The following ABHD13 variants were observed in gnomAD, a reference collection of about 807,000 sequenced individuals.
ABHD13 encodes the protein abhydrolase domain containing 13, also known as protein ABHD13.
In ABHD13, 7 loss-of-function variants were observed where a neutral mutation model predicts 25.2. The ratio of observed to expected loss-of-function variants is 0.28; its 90% CI spans 0.16 to 0.52. The LOEUF (loss-of-function observed/expected upper bound fraction) is 0.52. ABHD13 is among the 20% of genes least tolerant of loss of function. The pLI is 0.96. For synonymous variants in ABHD13, 133 were observed against 136.1 expected, an observed-to-expected ratio of 0.98 and a Z score of 0.16; for missense variants, 302 against 402.7, an observed-to-expected ratio of 0.75 and a Z score of 2.14.
intron 1 of ABHD13, among the ~76,000 whole-genome samples, chr13:108,219,989 A>G (rs1368940687): frequency 2.0e-5 from 3 of 152,214 alleles, no homozygotes; most frequent in Non-Finnish European, 2.9e-5. Context: ...ATACTCTGCT[A>G]TAGTACATAA....
chr13:108,224,242 G>A (rs1380501331), intron 1 of ABHD13, among the ~76,000 whole-genome samples: 1 of 152,116 alleles, frequency 6.6e-6, no homozygotes, highest in African/African-American at 2.4e-5. Flanking sequence ...TCTGTCTCCC[G>A]AGTACCTCAA....
rs35967053 is a variant in ABHD13, at chr13:108,231,862, G to GAAT, written c.*1631_*1633dup. 37,891 of 166,454 alleles carry GAAT rather than the reference G, an allele frequency of 0.23. 4,473 individuals are homozygous for GAAT. The highest frequency in any genetic ancestry group is 0.28 in the Admixed American group (4,308 of 15,190). 10.3% of individuals were successfully genotyped at this position (166,454 alleles called of 1,614,324 possible). On this transcript the variant is annotated 3_prime_UTR_variant, in exon 2 of 2. Coordinates refer to ENST00000375898, the MANE Select transcript of ABHD13 (RefSeq NM_032859.3). ...AAATTATAGCAAGTATGATTTCTAA[G>GAAT]AATGTTTTTCTATAAATTACTAATT...
At chr13:108,225,678 A>T (rs1460544558) in intron 1 of ABHD13, among the ~76,000 whole-genome samples, 1 of 152,226 alleles carries the variant, frequency 6.6e-6, no homozygotes, top group African/African-American at 2.4e-5. Flanking sequence ...AATGTCTGAC[A>T]TGTAATACCA....
intron 1 of ABHD13, among the ~76,000 whole-genome samples, chr13:108,222,929 G>A (rs1879598068): frequency 6.6e-6 from 1 of 152,256 alleles, no homozygotes; most frequent in Non-Finnish European, 1.5e-5. Context: ...CAAATTTGTA[G>A]TTGTAAAGGG....
At chr13:108,228,422 A>G (rs1201861977) in intron 1 of ABHD13, among the ~76,000 whole-genome samples, 2 of 152,012 alleles carry the variant, frequency 1.3e-5, no homozygotes, top group African/African-American at 4.8e-5. Flanking sequence ...TGCCGATCTC[A>G]TGACACTAGC....
At chr13:108,227,432 A>AT (rs1566380827) in intron 1 of ABHD13, among the ~76,000 whole-genome samples, 1 of 152,104 alleles carries the variant, frequency 6.6e-6, no homozygotes, top group Non-Finnish European at 1.5e-5. Context: ...ATTTGCTAAA[A>AT]TTAGATGTTA....
At chr13:108,220,851 A>G (rs970708330) in intron 1 of ABHD13, among the ~76,000 whole-genome samples, 36 of 152,240 alleles carry the variant, frequency 2.4e-4, no homozygotes, top group African/African-American at 8.4e-4. Flanking sequence ...CATCTAGTTT[A>G]TAGGTAAAGT....
At chr13:108,226,583 C>T (rs1054843032) in intron 1 of ABHD13, among the ~76,000 whole-genome samples, 5 of 152,012 alleles carry the variant, frequency 3.3e-5, no homozygotes, top group African/African-American at 9.7e-5. Context: ...TTTTGTTAAC[C>T]GTTTACTCAC....
intron 1 of ABHD13, among the ~76,000 whole-genome samples, chr13:108,223,677 A>G (rs1879613212): frequency 6.6e-6 from 1 of 152,236 alleles, no homozygotes; most frequent in Admixed American, 6.5e-5. Flanking sequence ...CAAGTGTCAA[A>G]CAGTGAAAAA....
In ABHD13 at chr13:108,231,663, TATA is replaced by T. The variant is rs1055719737; in HGVS notation, c.*1435_*1437del. The T allele has an allele frequency of 1.9e-4, 32 of 166,826 alleles. No homozygotes were observed. The highest frequency in any genetic ancestry group is 7.5e-4 in the African/African-American group (31 of 41,540). 10.3% of individuals were successfully genotyped at this position (166,826 alleles called of 1,614,324 possible). ...GTGTAATATTATGTCAGCTTTAACA[TATA>T]ATATTTTGAATATTTTAGCTATATT... On this transcript the variant is annotated 3_prime_UTR_variant, in exon 2 of 2. Transcript: ENST00000375898.
intron 1 of ABHD13, among the ~76,000 whole-genome samples, chr13:108,227,711 C>T (rs1391209345): frequency 6.6e-6 from 1 of 151,970 alleles, no homozygotes; most frequent in Non-Finnish European, 1.5e-5. Context: ...CATTATTAAT[C>T]TTACTTGATA....
rs150099768 is a variant in ABHD13, at chr13:108,230,482, G to A, written c.*250G>A. 8.8e-6 allele frequency: 3 copies of A among 339,776 alleles called. No individual in the cohort carries two copies. In the East Asian group the frequency reaches 1.7e-4, roughly 19 times the overall value. 21.0% of individuals were successfully genotyped at this position (339,776 alleles called of 1,614,324 possible). A position where few individuals can be genotyped will look rare whatever the true frequency, so the allele number is the denominator to read the frequency against. ...TTCATATCTTCAGTTTAATATGTCAGTATAATAGATATTGTTCAAAAGTTT... is the reference window on the plus strand; with the variant it reads ...TTCATATCTTCAGTTTAATATGTCAATATAATAGATATTGTTCAAAAGTTT... On this transcript the variant is annotated 3_prime_UTR_variant, in exon 2 of 2. Transcript: ENST00000375898.
At position 108,226,063 on chromosome 13, in the gene ABHD13, C is replaced by T. The variant is rs564166493; in HGVS notation, c.-20-3136C>T. ...ATACTTGATTGCTTCACTCATTCTT[C>T]ATGACTAGTAGCAGTGGTCTTGGGG... On this transcript the variant is annotated intron_variant, in intron 1 of 1. Transcript: ENST00000375898. Among the ~76,000 whole-genome samples the T allele has an allele frequency of 8.8e-4, 134 of 152,316 alleles. 4 individuals carry two copies. Among genetic ancestry groups the T allele is most frequent in the Admixed American group, 8.6e-3 (132 of 15,296 alleles).
In ABHD13 at chr13:108,219,874, T is replaced by C. The variant is rs544868328; in HGVS notation, c.-21+1215T>C. 1.2e-4 allele frequency among the ~76,000 whole-genome samples: 19 copies of C among 152,208 alleles called. No individual in the cohort carries two copies. In the East Asian group the frequency reaches 3.5e-3, roughly 28 times the overall value. On this transcript the variant is annotated intron_variant, in intron 1 of 1. Coordinates refer to ENST00000375898, the MANE Select transcript of ABHD13 (RefSeq NM_032859.3). ...GAGTTTGGTTTTAACAGAGAAAGAG[T>C]GCATTGCTCTGATTACTTCCTGTGT...
rs980760559 is a variant in ABHD13, at chr13:108,218,528, C to T, written c.-152C>T. On this transcript the variant is annotated 5_prime_UTR_variant, in exon 1 of 2. Transcript: ENST00000375898. ...CTCGCAGCAGGAGCTCCGGGCTAGACCGTGGCGCCGGCAGCGGCCCCTGGG... is the reference window on the plus strand; with the variant it reads ...CTCGCAGCAGGAGCTCCGGGCTAGATCGTGGCGCCGGCAGCGGCCCCTGGG... 6.6e-6 allele frequency: 1 copy of T among 151,928 alleles called. No individual in the cohort carries two copies. Among genetic ancestry groups the T allele is most frequent in the African/African-American group, 2.4e-5 (1 of 41,380 alleles). The allele number at this position is 151,928 out of a possible 1,614,324, so 9.4% of individuals were successfully genotyped here. A position where few individuals can be genotyped will look rare whatever the true frequency, so the allele number is the denominator to read the frequency against.
intron 1 of ABHD13, among the ~76,000 whole-genome samples, chr13:108,222,415 G>A (rs1053577056): frequency 6.6e-6 from 1 of 151,880 alleles, no homozygotes; most frequent in African/African-American, 2.4e-5. Flanking sequence ...ATTTATATAT[G>A]TTATAATGCA....
At chr13:108,226,362 CA>C (rs1257465087) in intron 1 of ABHD13, among the ~76,000 whole-genome samples, 2 of 152,106 alleles carry the variant, frequency 1.3e-5, no homozygotes, top group South Asian at 4.1e-4. Flanking sequence ...AGGTCGTATT[CA>C]ATTCAGAAAA....
intron 1 of ABHD13, among the ~76,000 whole-genome samples, chr13:108,222,871 C>T (rs902907194): frequency 6.6e-6 from 1 of 152,118 alleles, no homozygotes; most frequent in Non-Finnish European, 1.5e-5. Context: ...AGAAGACAGG[C>T]AGATTATTAG....
At chr13:108,227,986 A>G (rs1384100020) in intron 1 of ABHD13, among the ~76,000 whole-genome samples, 3 of 152,058 alleles carry the variant, frequency 2.0e-5, no homozygotes, top group African/African-American at 7.2e-5. Context: ...TTGTTAAATC[A>G]TCCAACTCAT....
Sources: gnomAD v4.1 joint callset for allele counts (sites outside exome capture counted in the v4.1 genomes callset) on GRCh38, gnomAD v4.1.1 for gene constraint, MANE v1.5 for transcripts, NCBI Gene and HGNC (gene_info 2026-07-23, HGNC 2026-07-21) for gene names.